DEUP1: variants seen among roughly 807,000 people sequenced by gnomAD.
DEUP1 encodes coiled-coil domain containing 67.
A neutral mutation model predicts 87.4 loss-of-function variants in DEUP1; 82 were observed. The observed-to-expected ratio is 0.94, with a 90% CI of 0.78 to 1.13. The LOEUF is 1.13. Among genes scored for constraint, DEUP1 ranks in the 50% most tolerant of loss-of-function variants. The pLI is 0.00. For missense variants in DEUP1, 663 were observed against 681.5 expected, an observed-to-expected ratio of 0.97 and a Z score of 0.30; for synonymous variants, 214 against 222.7, an observed-to-expected ratio of 0.96 and a Z score of 0.35.
chr11:93,342,205 G>A (rs1030302886), intron 2 of DEUP1, among the ~76,000 whole-genome samples: 1 of 152,182 alleles, frequency 6.6e-6, no homozygotes, highest in African/African-American at 2.4e-5. Context: ...AATAGGAAGT[G>A]AAACAGGGAA....
intron 13 of DEUP1, among the ~76,000 whole-genome samples, chr11:93,428,608 A>T (rs1034182841): frequency 2.2e-4 from 34 of 152,082 alleles, no homozygotes; most frequent in East Asian, 1.9e-3. Context: ...TAATAAAATT[A>T]AAAAAAAGTT....
At position 93,394,447 on chromosome 11, in the gene DEUP1, T is replaced by C; in HGVS notation, c.1042-12T>C. 6.5e-7 allele frequency: 1 copy of C among 1,532,070 alleles called. No individual in the cohort carries two copies. The highest frequency in any genetic ancestry group is 1.3e-5 in the South Asian group (1 of 78,232). The allele number at this position is 1,532,070 out of a possible 1,614,324, so 94.9% of individuals were successfully genotyped here. A position where few individuals can be genotyped will look rare whatever the true frequency, so the allele number is the denominator to read the frequency against. ...AGGATTCAATAATATTTCCAGTCTC[T>C]ATCTGCTGCAGATAAGAAGCCAACT... On this transcript the variant is annotated splice_polypyrimidine_tract_variant and intron_variant, in intron 9 of 13. Transcript: ENST00000298050.
chr11:93,351,695 T>A (rs557316066), intron 2 of DEUP1, among the ~76,000 whole-genome samples: 1 of 152,176 alleles, frequency 6.6e-6, no homozygotes, highest in African/African-American at 2.4e-5. Flanking sequence ...ATTTTAGGTT[T>A]TAAGTAAAAA....
intron 11 of DEUP1, among the ~76,000 whole-genome samples, chr11:93,404,218 T>C (rs1174633252): frequency 6.6e-6 from 1 of 152,078 alleles, no homozygotes; most frequent in Admixed American, 6.6e-5. Flanking sequence ...GTGAGGGACG[T>C]AGAATAGTGG....
intron 12 of DEUP1, among the ~76,000 whole-genome samples, chr11:93,409,306 C>A (rs774266249): frequency 2.6e-5 from 4 of 152,200 alleles, no homozygotes; most frequent in Non-Finnish European, 5.9e-5. Context: ...TATTCCCATA[C>A]TCTGTAAAAG....
chr11:93,434,000 G>A (rs1475686574), intron 13 of DEUP1, among the ~76,000 whole-genome samples: 1 of 152,142 alleles, frequency 6.6e-6, no homozygotes, highest in Non-Finnish European at 1.5e-5. Flanking sequence ...GTTCGGTGGA[G>A]GGCAGTTCCC....
chr11:93,429,813 T>C (rs1461350813), intron 13 of DEUP1, among the ~76,000 whole-genome samples: 1 of 152,178 alleles, frequency 6.6e-6, no homozygotes, highest in East Asian at 1.9e-4. Context: ...TCTAAAATTC[T>C]ACATTACTCT....
rs1405275418 is a variant in DEUP1 at position 93,438,168 on chromosome 11, T to G, written c.*449T>G. On this transcript the variant is annotated 3_prime_UTR_variant, in exon 14 of 14. Transcript: ENST00000298050. ...AACTCAAGGATTTTATAAATAAAAA[T>G]ATTTAAGTATTTCCAGTTATGTAAA... The G allele has an allele frequency of 2.0e-5, 3 of 152,518 alleles. No individual in the cohort carries two copies. The highest frequency in any genetic ancestry group is 4.8e-5 in the African/African-American group (2 of 41,448). The allele number at this position is 152,518 out of a possible 1,614,324, so 9.4% of individuals were successfully genotyped here.
chr11:93,404,000 C>G (rs1351137603), intron 11 of DEUP1, among the ~76,000 whole-genome samples: 1 of 151,918 alleles, frequency 6.6e-6, no homozygotes, highest in African/African-American at 2.4e-5. Flanking sequence ...AATTACTGAT[C>G]TTCAGGTTGG....
intron 2 of DEUP1, among the ~76,000 whole-genome samples, chr11:93,353,375 G>A (rs1459792348): frequency 6.6e-6 from 1 of 152,210 alleles, no homozygotes; most frequent in East Asian, 1.9e-4. Flanking sequence ...CCTCCAGGCT[G>A]CTTTCACAGG....
At chr11:93,374,979 T>C (rs549481326) in intron 7 of DEUP1, among the ~76,000 whole-genome samples, 1 of 152,100 alleles carries the variant, frequency 6.6e-6, no homozygotes, top group South Asian at 2.1e-4. Context: ...GTTTTCCTTG[T>C]AGAGGTTTTT....
intron 12 of DEUP1, chr11:93,411,348 T>G (rs754052781): frequency 6.6e-6 from 1 of 152,224 alleles, no homozygotes; most frequent in Non-Finnish European, 1.5e-5. Context: ...TAAAAGTGTA[T>G]GAAGAAAATG....
rs115331532 is a variant in DEUP1, at chr11:93,394,676, A to T, written c.1239+20A>T. The T allele has an allele frequency of 6.3e-4, 990 of 1,570,552 alleles. 3 individuals are homozygous for T. The African/African-American group carries it at 0.012, about 19-fold the overall frequency. On this transcript the variant is annotated intron_variant, in intron 10 of 13. Transcript: ENST00000298050. ...CAAAAGGTATGCAAGCAGGCAGAAT[A>T]GCACTTGTCTAGGGCACATTCTTGC...
intron 7 of DEUP1, among the ~76,000 whole-genome samples, chr11:93,375,166 A>AT (rs1223758648): frequency 6.6e-6 from 1 of 151,366 alleles, no homozygotes; most frequent in Non-Finnish European, 1.5e-5. Flanking sequence ...TACTGAATTC[A>AT]TTTGTCAGTT....
intron 2 of DEUP1, among the ~76,000 whole-genome samples, chr11:93,354,669 G>T (rs561448705): frequency 1.3e-5 from 2 of 152,290 alleles, no homozygotes; most frequent in East Asian, 3.9e-4. Context: ...AAATGAGGAA[G>T]AAGCAAAAGT....
At chr11:93,336,867 T>C (rs183631194) in intron 2 of DEUP1, among the ~76,000 whole-genome samples, 41 of 152,350 alleles carry the variant, frequency 2.7e-4, no homozygotes, top group Admixed American at 8.5e-4. Context: ...GTTATTTTTA[T>C]CCTTCTAGGT....
chr11:93,339,026 C>T (rs1943919303), intron 2 of DEUP1, among the ~76,000 whole-genome samples: 1 of 152,182 alleles, frequency 6.6e-6, no homozygotes, highest in Non-Finnish European at 1.5e-5. Flanking sequence ...TTCATGGACT[C>T]TCCAAGGGTA....
At chr11:93,392,281 C>A (rs79649026) in intron 9 of DEUP1, among the ~76,000 whole-genome samples, 11,718 of 152,258 alleles carry the variant, frequency 0.077, 1,462 homozygotes, top group African/African-American at 0.26. Flanking sequence ...CCTTCCACAC[C>A]TTCCAGGACC....
chr11:93,383,540 A>G, intron 7 of DEUP1: 1 of 640,068 alleles, frequency 1.6e-6, no homozygotes, highest in Non-Finnish European at 2.8e-6. Flanking sequence ...GGAATAAAGT[A>G]GTGGTGATGT....
Sources: gnomAD v4.1 joint callset for allele counts (sites outside exome capture counted in the v4.1 genomes callset) on GRCh38, gnomAD v4.1.1 for gene constraint, MANE v1.5 for transcripts, NCBI Gene and HGNC (gene_info 2026-07-23, HGNC 2026-07-21) for gene names.